EPC1: variants seen among roughly 807,000 people sequenced by gnomAD.
EPC1 encodes enhancer of polycomb homolog 1.
In EPC1, 12 loss-of-function variants were observed where a neutral mutation model predicts 98.4. That is an observed-to-expected ratio of 0.12 (90% CI 0.08 to 0.20). The LOEUF (loss-of-function observed/expected upper bound fraction) is 0.20. Among genes scored for constraint, EPC1 ranks in the 10% least tolerant of loss-of-function variants. The pLI, the probability that EPC1 is intolerant of heterozygous loss-of-function variation, is 1.00. For missense variants in EPC1, 729 were observed against 990.5 expected, an observed-to-expected ratio of 0.74 and a Z score of 3.54; for synonymous variants, 357 against 363.9, an observed-to-expected ratio of 0.98 and a Z score of 0.21.
intron 10 of EPC1, chr10:32,281,771 C>G (rs1341440650): frequency 6.6e-6 from 1 of 151,908 alleles, no homozygotes; most frequent in Non-Finnish European, 1.5e-5. Context: ...CAGGTTCAAG[C>G]CATTCTCCCT....
intron 1 of EPC1, among the ~76,000 whole-genome samples, chr10:32,342,907 T>C (rs1485556676): frequency 6.6e-6 from 1 of 152,242 alleles, no homozygotes; most frequent in Non-Finnish European, 1.5e-5. Context: ...TCAATTTTAA[T>C]AAAAAGATTT....
chr10:32,341,189 G>A (rs1838319105), intron 1 of EPC1, among the ~76,000 whole-genome samples: 2 of 152,070 alleles, frequency 1.3e-5, no homozygotes, highest in Admixed American at 1.3e-4. Context: ...TTAACTAACT[G>A]CTGTTAACAA....
At chr10:32,298,647 T>C (rs555782554) in intron 2 of EPC1, among the ~76,000 whole-genome samples, 9 of 152,228 alleles carry the variant, frequency 5.9e-5, no homozygotes, top group Non-Finnish European at 1.3e-4. Context: ...AGCCAGATCA[T>C]GGAAATCTTC....
At chr10:32,378,520 C>T (rs1337102842) in exon 1 of EPC1, 1 of 1,534,998 alleles carries the variant, frequency 6.5e-7, no homozygotes. Flanking sequence ...GACGGCAGTT[C>T]TTGAAAAAAA....
rs1054630827 is a variant in EPC1, at chr10:32,356,975, C to T, written c.3+21516G>A. On this transcript the variant is annotated intron_variant, in intron 1 of 13. Transcript: ENST00000375110. ...CAGCCTGGGCGAGGGAGCGAGACTC[C>T]GCATCAAAAAAATAAAAATAAAAAA... Among the ~76,000 whole-genome samples, 14 of 151,822 alleles carry T rather than the reference C, an allele frequency of 9.2e-5. No individual in the cohort carries two copies. The South Asian group carries it at 1.9e-3, about 20-fold the overall frequency.
chr10:32,324,232 C>A (rs188713006), intron 1 of EPC1, among the ~76,000 whole-genome samples: 1 of 151,744 alleles, frequency 6.6e-6, no homozygotes, highest in Non-Finnish European at 1.5e-5. Flanking sequence ...CCACTGCGCC[C>A]GGCCTAGTTA....
At chr10:32,378,375 A>G (rs2133135702) in intron 1 of EPC1, 1 of 816,956 alleles carries the variant, frequency 1.2e-6, no homozygotes, top group South Asian at 1.8e-5. Flanking sequence ...ACGTGCAGAG[A>G]TCAAAGCTAA....
At chr10:32,277,311 A>G (rs928365828) in intron 10 of EPC1, among the ~76,000 whole-genome samples, 6 of 152,202 alleles carry the variant, frequency 3.9e-5, no homozygotes, top group East Asian at 3.9e-4. Context: ...TAGGACTTCA[A>G]CTGGGTGAAG....
chr10:32,325,631 T>C (rs773229482), intron 1 of EPC1, among the ~76,000 whole-genome samples: 1 of 152,202 alleles, frequency 6.6e-6, no homozygotes, highest in Non-Finnish European at 1.5e-5. Context: ...AGATGTTCCC[T>C]ACAAAAATAT....
chr10:32,303,487 G>A (rs779286576), intron 2 of EPC1, among the ~76,000 whole-genome samples: 5 of 152,106 alleles, frequency 3.3e-5, no homozygotes, highest in Non-Finnish European at 7.3e-5. Context: ...AAGAAGGAAC[G>A]AACTATTCAT....
chr10:32,269,190 T>TG, intron 13 of EPC1, 55 bp from the exon 14 acceptor site: 1 of 1,465,660 alleles, frequency 6.8e-7, no homozygotes, highest in Non-Finnish European at 9.5e-7. Context: ...ATTCAGCAAA[T>TG]GAACATTATC....
At chr10:32,308,385 C>CAAA (rs35441939) in intron 1 of EPC1, among the ~76,000 whole-genome samples, 1 of 148,246 alleles carries the variant, frequency 6.7e-6, no homozygotes, top group African/African-American at 2.5e-5. Flanking sequence ...GCAACAGTCT[C>CAAA]AAAAAAAAAA....
intron 1 of EPC1, chr10:32,377,149 A>T (rs1484809527): frequency 6.6e-6 from 1 of 152,226 alleles, no homozygotes; most frequent in African/African-American, 2.4e-5. Context: ...ACATATTCTT[A>T]AAAAATTATC....
chr10:32,325,536 G>C (rs1009057554), intron 1 of EPC1, among the ~76,000 whole-genome samples: 1 of 152,148 alleles, frequency 6.6e-6, no homozygotes, highest in African/African-American at 2.4e-5. Flanking sequence ...AAGGTTCTGA[G>C]GCTAATATAA....
chr10:32,341,312 CAT>C (rs988904503), intron 1 of EPC1, among the ~76,000 whole-genome samples: 63 of 118,656 alleles, frequency 5.3e-4, no homozygotes, highest in South Asian at 2.5e-3. Flanking sequence ...AACATGGACA[CAT>C]GTCTGTGTGT....
intron 1 of EPC1, among the ~76,000 whole-genome samples, chr10:32,370,950 A>ATGCC (rs1839728895): frequency 6.6e-6 from 1 of 152,192 alleles, no homozygotes; most frequent in Non-Finnish European, 1.5e-5. Flanking sequence ...CTCATTGCTT[A>ATGCC]TGCCTCTTCA....
chr10:32,278,381 T>TTTG (rs1836217026), intron 10 of EPC1, among the ~76,000 whole-genome samples: 1 of 142,802 alleles, frequency 7.0e-6, no homozygotes, highest in African/African-American at 2.6e-5. Flanking sequence ...GTTTTTTTTT[T>TTTG]TTTGTTTTTT....
intron 1 of EPC1, among the ~76,000 whole-genome samples, chr10:32,364,203 TTTTA>T (rs1839531373): frequency 2.6e-5 from 1 of 38,426 alleles, no homozygotes. Context: ...TAGTAGAGAC[TTTTA>T]GTAGATTTTG....
chr10:32,329,864 G>A (rs1484498282), intron 1 of EPC1, among the ~76,000 whole-genome samples: 1 of 152,168 alleles, frequency 6.6e-6, no homozygotes, highest in African/African-American at 2.4e-5. Flanking sequence ...GATATTATGA[G>A]AGCCTGTGAC....
Sources: gnomAD v4.1 joint callset for allele counts (sites outside exome capture counted in the v4.1 genomes callset) on GRCh38, gnomAD v4.1.1 for gene constraint, MANE v1.5 for transcripts, NCBI Gene and HGNC (gene_info 2026-07-23, HGNC 2026-07-21) for gene names.